GRIP1: variants seen among roughly 807,000 people sequenced by gnomAD.
GRIP1 encodes the protein glutamate receptor interacting protein 1, also known as glutamate receptor-interacting protein 1.
GRIP1 carries 45 observed loss-of-function variants against 129.9 expected under a neutral mutation model. The ratio of observed to expected loss-of-function variants is 0.35; its 90% CI spans 0.27 to 0.44. The LOEUF (loss-of-function observed/expected upper bound fraction) is 0.44. GRIP1 is among the 20% of genes least tolerant of loss of function. The pLI, the probability that GRIP1 is intolerant of heterozygous loss-of-function variation, is 1.00. For synonymous variants in GRIP1, 530 were observed against 520.8 expected (o/e 1.02, Z -0.24); for missense variants, 1,196 against 1,396.8 (o/e 0.86, Z 2.29).
At chr12:66,429,246 G>T (rs978635791) in intron 14 of GRIP1, among the ~76,000 whole-genome samples, 2 of 152,104 alleles carry the variant, frequency 1.3e-5, no homozygotes, top group Non-Finnish European at 2.9e-5. Flanking sequence ...CTTGCACAAG[G>T]TGAAGACGAC....
chr12:66,703,562 G>A (rs1402028796), intron 1 of GRIP1, among the ~76,000 whole-genome samples: 1 of 152,010 alleles, frequency 6.6e-6, no homozygotes, highest in Non-Finnish European at 1.5e-5. Flanking sequence ...GAGATCCAAG[G>A]AATATGAATG....
intron 2 of GRIP1, among the ~76,000 whole-genome samples, chr12:66,561,279 A>C (rs1389585096): frequency 6.6e-6 from 1 of 152,176 alleles, no homozygotes; most frequent in East Asian, 1.9e-4. Context: ...ATAACACAGC[A>C]GGTGACTATA....
chr12:66,915,937 G>A (rs959873111), intron 1 of GRIP1, among the ~76,000 whole-genome samples: 1 of 152,162 alleles, frequency 6.6e-6, no homozygotes, highest in African/African-American at 2.4e-5. Flanking sequence ...TCTCACAGGA[G>A]GTCTCTGTGA....
chr12:66,499,515 G>A (rs376467238), intron 7 of GRIP1, among the ~76,000 whole-genome samples: 3 of 152,266 alleles, frequency 2.0e-5, no homozygotes, highest in African/African-American at 7.2e-5. Flanking sequence ...CACAACAGAG[G>A]ATACAATATG....
intron 1 of GRIP1, among the ~76,000 whole-genome samples, chr12:66,878,489 G>A (rs966823907): frequency 6.6e-6 from 1 of 151,984 alleles, no homozygotes; most frequent in African/African-American, 2.4e-5. Flanking sequence ...AGGGCAGATT[G>A]GAGTGATGAT....
At chr12:66,958,779 G>A (rs890519757) in intron 1 of GRIP1, among the ~76,000 whole-genome samples, 29 of 151,992 alleles carry the variant, frequency 1.9e-4, no homozygotes, top group African/African-American at 3.4e-4. Context: ...TTCTGGTGTC[G>A]AAATCATCAT....
intron 7 of GRIP1, among the ~76,000 whole-genome samples, chr12:66,495,723 A>G (rs1022305949): frequency 6.6e-6 from 1 of 151,826 alleles, no homozygotes; most frequent in Non-Finnish European, 1.5e-5. Flanking sequence ...TTGTTTGGAG[A>G]GTTAAATGTA....
At chr12:66,913,020 T>C (rs919541334) in intron 1 of GRIP1, among the ~76,000 whole-genome samples, 1 of 152,148 alleles carries the variant, frequency 6.6e-6, no homozygotes, top group Non-Finnish European at 1.5e-5. Context: ...CACTCCATTA[T>C]AGAAGCTGAA....
intron 5 of GRIP1, among the ~76,000 whole-genome samples, chr12:66,518,668 C>A (rs1045090668): frequency 5.3e-5 from 8 of 152,184 alleles, no homozygotes; most frequent in African/African-American, 1.4e-4. Flanking sequence ...GCTCCCCCAG[C>A]GTCTGCATGA....
chr12:66,624,494 C>G (rs2065403477), intron 1 of GRIP1, among the ~76,000 whole-genome samples: 1 of 151,944 alleles, frequency 6.6e-6, no homozygotes, highest in Admixed American at 6.6e-5. Context: ...ATGTCTCTTG[C>G]CTCTGAATAA....
At chr12:66,968,582 G>A (rs541645363) in intron 1 of GRIP1, among the ~76,000 whole-genome samples, 65 of 152,134 alleles carry the variant, frequency 4.3e-4, no homozygotes, top group Non-Finnish European at 7.5e-4. Flanking sequence ...ACTAATCTAA[G>A]TTCAGTTTCA....
At chr12:66,817,278 C>T (rs1282545249) in intron 1 of GRIP1, among the ~76,000 whole-genome samples, 1 of 150,218 alleles carries the variant, frequency 6.7e-6, no homozygotes, top group South Asian at 2.1e-4. Flanking sequence ...CATTTTAAAG[C>T]GTAAATTTTA....
At position 66,356,232 on chromosome 12, in the gene GRIP1, T is replaced by C. The variant is rs1043071608; in HGVS notation, c.3013-2669A>G. ...GAGCAGTTTAGAAAGCAAAGAGATA[T>C]TACTGTCTCTACCAGCTTGTGGAGC... is the stretch of plus-strand genomic sequence containing the variant. On this transcript the variant is annotated intron_variant, in intron 23 of 24. Coordinates refer to ENST00000359742, the MANE Select transcript of GRIP1 (RefSeq NM_001366722.1). 4.6e-5 allele frequency among the ~76,000 whole-genome samples: 7 copies of C among 152,284 alleles called. 1 individual carries two copies. In the South Asian group the frequency reaches 1.4e-3, roughly 32 times the overall value.
intron 1 of GRIP1, among the ~76,000 whole-genome samples, chr12:67,012,999 C>G (rs778416238): frequency 1.4e-4 from 21 of 152,106 alleles, no homozygotes; most frequent in Non-Finnish European, 2.6e-4. Flanking sequence ...GAAACATTTT[C>G]AACTTTTTGA....
chr12:66,528,149 T>G (rs905773714), intron 5 of GRIP1, among the ~76,000 whole-genome samples: 5 of 148,424 alleles, frequency 3.4e-5, no homozygotes, highest in East Asian at 2.0e-4. Flanking sequence ...TTTTTTTTTT[T>G]TTTGAGATGG....
At chr12:66,608,815 T>C (rs2064661497) in intron 1 of GRIP1, among the ~76,000 whole-genome samples, 1 of 151,980 alleles carries the variant, frequency 6.6e-6, no homozygotes, top group Non-Finnish European at 1.5e-5. Context: ...GCAGTGTAAA[T>C]AAAGTACCCA....
intron 1 of GRIP1, among the ~76,000 whole-genome samples, chr12:66,883,665 G>A (rs1327913485): frequency 6.6e-6 from 1 of 152,126 alleles, no homozygotes; most frequent in Non-Finnish European, 1.5e-5. Context: ...GTGAACATAC[G>A]TCCTGGTTTG....
chr12:66,480,335 A>G (rs6581698), intron 7 of GRIP1, among the ~76,000 whole-genome samples: 97,082 of 151,916 alleles, frequency 0.64, 31,453 homozygotes, highest in Middle Eastern at 0.78. Context: ...AATAAAATAC[A>G]TAGGAATACA....
At chr12:66,674,863 T>C (rs536618676) in intron 1 of GRIP1, among the ~76,000 whole-genome samples, 158 of 151,486 alleles carry the variant, frequency 1.0e-3, no homozygotes, top group African/African-American at 3.7e-3. Flanking sequence ...GATACTGAGG[T>C]TGGGAGGAGA....
Sources: gnomAD v4.1 joint callset for allele counts (sites outside exome capture counted in the v4.1 genomes callset) on GRCh38, gnomAD v4.1.1 for gene constraint, MANE v1.5 for transcripts, NCBI Gene and HGNC (gene_info 2026-07-23, HGNC 2026-07-21) for gene names.